The following RANBP17 variants were observed in gnomAD, a reference collection of about 807,000 sequenced individuals.
RANBP17 encodes the protein ran-binding protein 17.
A neutral mutation model predicts 141.2 loss-of-function variants in RANBP17; 158 were observed. The ratio of observed to expected loss-of-function variants is 1.12; its 90% CI spans 0.98 to 1.28. RANBP17 has a LOEUF of 1.28. RANBP17 is among the 50% of genes most tolerant of loss of function. The pLI is 0.00. For missense variants in RANBP17, 1,438 were observed against 1,290.7 expected (o/e 1.11, Z -1.75); for synonymous variants, 430 against 450.0 (o/e 0.96, Z 0.56).
At chr5:171,207,586 AG>A (rs1446899304) in intron 20 of RANBP17, 2 of 152,208 alleles carry the variant, frequency 1.3e-5, no homozygotes, top group East Asian at 3.8e-4. Flanking sequence ...TATCAGGGTC[AG>A]GGGCGGAGAG....
chr5:170,990,852 T>G (rs1778458684), intron 14 of RANBP17, among the ~76,000 whole-genome samples: 1 of 151,938 alleles, frequency 6.6e-6, no homozygotes, highest in Non-Finnish European at 1.5e-5. Flanking sequence ...AATGTAGTAG[T>G]GGTCACTAAA....
intron 22 of RANBP17, among the ~76,000 whole-genome samples, chr5:171,234,052 TAA>T (rs755497554): frequency 5.6e-4 from 78 of 138,088 alleles, no homozygotes; most frequent in Admixed American, 5.9e-4. Flanking sequence ...CTCCTTATTG[TAA>T]AAAAAAAAAA....
At chr5:170,863,060 C>T (rs1470361358) in intron 1 of RANBP17, among the ~76,000 whole-genome samples, 1 of 152,140 alleles carries the variant, frequency 6.6e-6, no homozygotes, top group Non-Finnish European at 1.5e-5. Flanking sequence ...CTATGCTAGG[C>T]GCTGAAGATA....
At chr5:170,960,296 A>T (rs761624602) in intron 13 of RANBP17, among the ~76,000 whole-genome samples, 7 of 152,150 alleles carry the variant, frequency 4.6e-5, no homozygotes, top group Non-Finnish European at 7.4e-5. Context: ...GGCCCTCAGC[A>T]TTGCTCAGTG....
chr5:171,284,031 G>C (rs1298351192), intron 25 of RANBP17, among the ~76,000 whole-genome samples: 1 of 152,208 alleles, frequency 6.6e-6, no homozygotes. Flanking sequence ...ATTGGGAAAT[G>C]TTTGGTGACT....
At chr5:170,989,765 T>A (rs1390166580) in intron 14 of RANBP17, among the ~76,000 whole-genome samples, 1 of 151,750 alleles carries the variant, frequency 6.6e-6, no homozygotes, top group Admixed American at 6.6e-5. Flanking sequence ...TGTTCTTATC[T>A]AATATCCAGG....
chr5:171,070,622 C>T (rs1581557854), intron 14 of RANBP17, among the ~76,000 whole-genome samples: 1 of 152,122 alleles, frequency 6.6e-6, no homozygotes, highest in East Asian at 1.9e-4. Context: ...AAAAGCAGGT[C>T]AATGTTAGAA....
intron 14 of RANBP17, among the ~76,000 whole-genome samples, chr5:171,153,143 G>T (rs547205695): frequency 7.9e-5 from 12 of 152,152 alleles, no homozygotes; most frequent in African/African-American, 2.7e-4. Flanking sequence ...TGATTGATTG[G>T]ATATTGATTA....
intron 14 of RANBP17, among the ~76,000 whole-genome samples, chr5:171,007,036 A>T (rs564217028): frequency 6.6e-6 from 1 of 152,122 alleles, no homozygotes. Context: ...GGTCTGGCTC[A>T]TGAAGCCGGT....
chr5:171,065,498 G>A (rs1784257948), intron 14 of RANBP17, among the ~76,000 whole-genome samples: 1 of 152,004 alleles, frequency 6.6e-6, no homozygotes, highest in Admixed American at 6.5e-5. Context: ...ATGCTGGCTT[G>A]CCCTCCGCTC....
intron 14 of RANBP17, among the ~76,000 whole-genome samples, chr5:171,055,295 G>A (rs1182701663): frequency 6.6e-6 from 1 of 152,112 alleles, no homozygotes; most frequent in Non-Finnish European, 1.5e-5. Flanking sequence ...AATAGACAGG[G>A]TTAGTCTGAA....
intron 14 of RANBP17, among the ~76,000 whole-genome samples, chr5:171,047,142 G>A (rs1241938883): frequency 2.1e-5 from 3 of 145,920 alleles, no homozygotes; most frequent in Non-Finnish European, 3.0e-5. Flanking sequence ...TTCACTTCCC[G>A]AGTAGCTGGA....
chr5:171,218,810 G>T (rs1257542917), intron 21 of RANBP17, among the ~76,000 whole-genome samples: 5 of 151,578 alleles, frequency 3.3e-5, no homozygotes, highest in African/African-American at 9.7e-5. Flanking sequence ...ATGTGAGATG[G>T]GTCTCCTGAA....
At chr5:170,921,252 T>G (rs1376135903) in intron 11 of RANBP17, among the ~76,000 whole-genome samples, 2 of 152,200 alleles carry the variant, frequency 1.3e-5, no homozygotes, top group Non-Finnish European at 2.9e-5. Flanking sequence ...TAATGTATCT[T>G]GAGTTAATTT....
At chr5:171,063,724 G>T (rs1414433052) in intron 14 of RANBP17, among the ~76,000 whole-genome samples, 1 of 152,196 alleles carries the variant, frequency 6.6e-6, no homozygotes, top group Non-Finnish European at 1.5e-5. Context: ...GTCTGCAGAG[G>T]TTACTGCTGT....
chr5:170,907,488 T>G (rs1055155813), intron 5 of RANBP17, among the ~76,000 whole-genome samples: 5 of 151,978 alleles, frequency 3.3e-5, no homozygotes, highest in Non-Finnish European at 1.5e-5. Flanking sequence ...TGACAACTAC[T>G]TATATGGATC....
At chr5:171,065,337 G>A (rs1290735945) in intron 14 of RANBP17, among the ~76,000 whole-genome samples, 1 of 152,248 alleles carries the variant, frequency 6.6e-6, no homozygotes, top group Admixed American at 6.5e-5. Flanking sequence ...GCATGAAACT[G>A]TTCCACCTCA....
At chr5:171,046,024 C>T (rs1165909927) in intron 14 of RANBP17, among the ~76,000 whole-genome samples, 6 of 152,086 alleles carry the variant, frequency 3.9e-5, no homozygotes. Context: ...TGAGAATCCT[C>T]CATGTTTTTA....
At chr5:170,895,026 G>A (rs1454383215) in intron 4 of RANBP17, among the ~76,000 whole-genome samples, 1 of 152,186 alleles carries the variant, frequency 6.6e-6, no homozygotes, top group African/African-American at 2.4e-5. Flanking sequence ...CAATTGGTCA[G>A]GGTACCACAC....
Sources: allele counts gnomAD v4.1 joint callset (sites outside exome capture counted in the v4.1 genomes callset), GRCh38; gene constraint gnomAD v4.1.1; transcripts MANE v1.5; gene names NCBI Gene and HGNC (gene_info 2026-07-23, HGNC 2026-07-21).